Variants in MAPRE2 observed in about 807,000 individuals in gnomAD.
The protein encoded by MAPRE2 is microtubule-associated protein RP/EB family member 2.
In MAPRE2, 13 loss-of-function variants were observed where a neutral mutation model predicts 43.2. The observed-to-expected ratio is 0.30, with a 90% CI of 0.20 to 0.48. The LOEUF (loss-of-function observed/expected upper bound fraction) is 0.48. MAPRE2 is among the 20% of genes least tolerant of loss of function. The pLI, the probability that MAPRE2 is intolerant of heterozygous loss-of-function variation, is 0.99. For synonymous variants in MAPRE2, 135 were observed against 148.8 expected (o/e 0.91, Z 0.68); for missense variants, 161 against 400.2 (o/e 0.40, Z 5.10).
chr18:35,115,560 T>C lies in MAPRE2; in HGVS notation c.611-11388T>C, dbSNP rs182599030. ...CCCCGAATCCCCAAAGTCTGTCATATCACTCTTATGCCTTTGCATCCTCAT... is the reference window on the plus strand; with the variant it reads ...CCCCGAATCCCCAAAGTCTGTCATACCACTCTTATGCCTTTGCATCCTCAT... On this transcript the variant is annotated intron_variant, in intron 4 of 6. Transcript: ENST00000300249. Among the ~76,000 whole-genome samples, 5 of 152,168 alleles carry C rather than the reference T, an allele frequency of 3.3e-5. No individual in the cohort carries two copies. In the East Asian group the frequency reaches 9.7e-4, roughly 29 times the overall value.
chr18:35,122,644 G>T (rs1909731606), intron 4 of MAPRE2, among the ~76,000 whole-genome samples: 1 of 152,148 alleles, frequency 6.6e-6, no homozygotes, highest in Admixed American at 6.5e-5. Context: ...TTAACGGTGG[G>T]GCAGAAGCGG....
chr18:35,114,678 C>T (rs1286824822), intron 4 of MAPRE2, among the ~76,000 whole-genome samples: 3 of 152,292 alleles, frequency 2.0e-5, no homozygotes, highest in East Asian at 1.9e-4. Context: ...AGAGTCTGTT[C>T]CTTCACACAG....
intron 1 of MAPRE2, among the ~76,000 whole-genome samples, chr18:35,059,515 A>T (rs1241133632): frequency 6.6e-6 from 1 of 152,246 alleles, no homozygotes; most frequent in African/African-American, 2.4e-5. Context: ...TTCCAGACAC[A>T]GGAGATAAAG....
At chr18:34,979,741 G>A (rs570178809) in intron 1 of MAPRE2, among the ~76,000 whole-genome samples, 1 of 152,092 alleles carries the variant, frequency 6.6e-6, no homozygotes, top group Admixed American at 6.5e-5. Context: ...AAATAGAAAT[G>A]GTTACACTTA....
intron 1 of MAPRE2, among the ~76,000 whole-genome samples, chr18:34,993,091 G>A (rs1208005826): frequency 1.3e-5 from 2 of 151,994 alleles, no homozygotes; most frequent in African/African-American, 2.4e-5. Flanking sequence ...CACAATTACT[G>A]GACACTGATT....
chr18:35,042,081 A>T (rs1905397297), intron 1 of MAPRE2, among the ~76,000 whole-genome samples: 1 of 152,204 alleles, frequency 6.6e-6, no homozygotes, highest in African/African-American at 2.4e-5. Flanking sequence ...CTTAACCTGG[A>T]GAGTGTGCAG....
rs1453546006 is a variant in MAPRE2 at position 35,141,717 on chromosome 18, T to C, written c.*1348T>C. ...ATGGTATCCCTTCCTGGATCATTCA[T>C]TTCACCTTGGTTTCTAACTTTAGGT... On this transcript the variant is annotated 3_prime_UTR_variant, in exon 7 of 7. Coordinates refer to ENST00000300249, the MANE Select transcript of MAPRE2 (RefSeq NM_014268.4). 6.6e-6 allele frequency: 1 copy of C among 152,206 alleles called. No individual in the cohort carries two copies. The highest frequency in any genetic ancestry group is 1.5e-5 in the Non-Finnish European group (1 of 68,032). The allele number at this position is 152,206 out of a possible 1,614,324, so 9.4% of individuals were successfully genotyped here.
intron 2 of MAPRE2, among the ~76,000 whole-genome samples, chr18:35,091,729 TA>T (rs561272015): frequency 6.5e-3 from 935 of 143,134 alleles, no homozygotes; most frequent in Middle Eastern, 7.4e-3. Flanking sequence ...CATCTGTATT[TA>T]AAAAAAAAAA....
At chr18:35,046,854 C>A (rs1256880840) in intron 1 of MAPRE2, among the ~76,000 whole-genome samples, 2 of 152,174 alleles carry the variant, frequency 1.3e-5, no homozygotes, top group African/African-American at 2.4e-5. Flanking sequence ...TGGTACTTAG[C>A]CCAGACAGTG....
At chr18:34,978,176 C>A (rs2097014217) in intron 1 of MAPRE2, 2 of 380,684 alleles carry the variant, frequency 5.3e-6, no homozygotes, top group Non-Finnish European at 9.5e-6. Flanking sequence ...TGTCCCCTCC[C>A]TGATTGTCTT....
rs1329771294 is a variant in MAPRE2, at chr18:35,141,537, T to C, written c.*1168T>C. 3 of 152,222 alleles carry C rather than the reference T, an allele frequency of 2.0e-5. No homozygotes were observed. Among genetic ancestry groups the C allele is most frequent in the South Asian group, 2.1e-4 (1 of 4,832 alleles). 9.4% of individuals were successfully genotyped at this position (152,222 alleles called of 1,614,324 possible). On this transcript the variant is annotated 3_prime_UTR_variant, in exon 7 of 7. Coordinates refer to ENST00000300249, the MANE Select transcript of MAPRE2 (RefSeq NM_014268.4). ...TTTAACACAAGGGCCCTCCTTGTCA[T>C]TGACCTTAGCTAAACCATGGCAATT...
chr18:35,123,425 G>T (rs559820983), intron 4 of MAPRE2, among the ~76,000 whole-genome samples: 104 of 152,158 alleles, frequency 6.8e-4, no homozygotes, highest in Admixed American at 2.3e-3. Context: ...GCCAGGGTGG[G>T]TGGGTCGTCA....
chr18:35,127,384 CT>C (rs1291553996), intron 5 of MAPRE2: 3 of 298,844 alleles, frequency 1.0e-5, no homozygotes, highest in Non-Finnish European at 1.9e-5. Context: ...GAGCTCCAGG[CT>C]AGACCGTTGC....
In MAPRE2 at chr18:35,070,330, A is replaced by T. The variant is rs150260181; in HGVS notation, c.250+8A>T. ...TGGAACAGCTTTGTTCAGGTAAGAC[A>T]TATTCTTTTAAGTGTTTACCTAAAT... On this transcript the variant is annotated splice_region_variant and intron_variant, in intron 2 of 6. Transcript: ENST00000300249. The T allele has an allele frequency of 9.9e-4, 1,568 of 1,586,276 alleles. 27 individuals are homozygous for T. The East Asian group carries it at 0.03, about 31-fold the overall frequency.
rs574492304 is a variant in MAPRE2, at chr18:35,120,072, G to C, written c.611-6876G>C. On this transcript the variant is annotated intron_variant, in intron 4 of 6. Transcript: ENST00000300249. ...CCTCCTTTCTTAAATGTAAAGCAAG[G>C]TGGCCACAAAGCCACACCAGTCAGG... 3.1e-3 allele frequency among the ~76,000 whole-genome samples: 475 copies of C among 152,272 alleles called. 1 individual carries two copies. Among genetic ancestry groups the C allele is most frequent in the Non-Finnish European group, 5.3e-3 (362 of 68,028 alleles).
At chr18:35,065,257 T>G (rs1385179857) in intron 1 of MAPRE2, among the ~76,000 whole-genome samples, 1 of 151,186 alleles carries the variant, frequency 6.6e-6, no homozygotes, top group Non-Finnish European at 1.5e-5. Flanking sequence ...AAGATCGCGC[T>G]GCTGCACTCC....
At chr18:35,006,610 T>C (rs922699618) in intron 2 of MAPRE2, among the ~76,000 whole-genome samples, 2 of 152,182 alleles carry the variant, frequency 1.3e-5, no homozygotes, top group African/African-American at 4.8e-5. Context: ...GATATTAAAA[T>C]TTGCAGGTAT....
intron 1 of MAPRE2, among the ~76,000 whole-genome samples, chr18:34,982,126 G>T (rs746549863): frequency 6.6e-6 from 1 of 151,810 alleles, no homozygotes; most frequent in African/African-American, 2.4e-5. Context: ...CTCGTAATCC[G>T]CCCACCTCGG....
chr18:35,060,611 A>T (rs979838323), intron 1 of MAPRE2, among the ~76,000 whole-genome samples: 8 of 152,184 alleles, frequency 5.3e-5, no homozygotes, highest in African/African-American at 1.4e-4. Context: ...CATACCCTGG[A>T]TAGGAGCCAA....
Sources: allele counts gnomAD v4.1 joint callset (sites outside exome capture counted in the v4.1 genomes callset), GRCh38; gene constraint gnomAD v4.1.1; transcripts MANE v1.5; gene names NCBI Gene and HGNC (gene_info 2026-07-23, HGNC 2026-07-21).